Variants in SPATA9 observed in about 807,000 individuals in gnomAD.
SPATA9 encodes spermatogenesis-associated protein 9.
Under a neutral mutation model 25.5 loss-of-function variants are expected in SPATA9, and 27 were observed. That is an observed-to-expected ratio of 1.06 (90% CI 0.78 to 1.46). SPATA9 has a LOEUF of 1.46. SPATA9 is among the 40% of genes most tolerant of loss of function. The pLI is 0.00. For missense variants in SPATA9, 282 were observed against 297.5 expected (o/e 0.95, Z 0.38); for synonymous variants, 102 against 105.7 (o/e 0.97, Z 0.21).
chr5:95,717,959 T>G, the SPATA9 span, among the ~76,000 whole-genome samples: 2 of 152,162 alleles, frequency 1.3e-5, no homozygotes, highest in Non-Finnish European at 2.9e-5. Flanking sequence ...AATTTAAAAG[T>G]TTAAAGAAGA....
At chr5:95,703,372 G>A (rs1387309750), upstream of SPATA9, among the ~76,000 whole-genome samples, 1 of 152,160 alleles carries the variant, frequency 6.6e-6, no homozygotes, top group Non-Finnish European at 1.5e-5. Context: ...AGTGGTTTAT[G>A]CCTGTAATCC....
intron 3 of SPATA9, among the ~76,000 whole-genome samples, chr5:95,664,941 G>C (rs1248733446): frequency 2.0e-5 from 3 of 152,074 alleles, no homozygotes; most frequent in Non-Finnish European, 4.4e-5. Context: ...CTAAAACAAT[G>C]ATCGTTGATT....
the SPATA9 span, among the ~76,000 whole-genome samples, chr5:95,721,104 A>G: frequency 6.6e-6 from 1 of 152,234 alleles, no homozygotes; most frequent in Non-Finnish European, 1.5e-5. Context: ...TATGACTTAA[A>G]GGCAAAAAAC....
intron 1 of SPATA9, among the ~76,000 whole-genome samples, chr5:95,692,571 A>G (rs1753920078): frequency 6.6e-6 from 1 of 152,036 alleles, no homozygotes; most frequent in South Asian, 2.1e-4. Context: ...AAGGTTAAGT[A>G]CAAAGTTTCC....
intron 3 of SPATA9, among the ~76,000 whole-genome samples, chr5:95,672,238 A>G (rs1329789151): frequency 6.6e-6 from 1 of 152,196 alleles, no homozygotes; most frequent in African/African-American, 2.4e-5. Flanking sequence ...ATCCACCAGA[A>G]CAGGAAAAAA....
intron 3 of SPATA9, among the ~76,000 whole-genome samples, chr5:95,673,428 G>A (rs1561405616): frequency 6.6e-6 from 1 of 152,058 alleles, no homozygotes; most frequent in Non-Finnish European, 1.5e-5. Flanking sequence ...AATTGTGGCA[G>A]GCTAATTTGT....
rs374096830 is a variant in SPATA9, at chr5:95,679,971, C to T, written c.150+2557G>A. Among the ~76,000 whole-genome samples the T allele has an allele frequency of 7.3e-4, 111 of 152,382 alleles. 2 individuals are homozygous for T. In the South Asian group the frequency reaches 0.022, roughly 31 times the overall value. On this transcript the variant is annotated intron_variant, in intron 2 of 4. Transcript: ENST00000274432. ...GGCGTGCAGTGGCGCGATCTCGGCT[C>T]ACTGCAACCTCCGCCTACCAGGTTC...
upstream of SPATA9, among the ~76,000 whole-genome samples, chr5:95,700,280 C>T (rs1025770713): frequency 6.6e-6 from 1 of 151,832 alleles, no homozygotes; most frequent in Non-Finnish European, 1.5e-5. Context: ...TGCAGTTTCC[C>T]CCAATAACTA....
the SPATA9 span, among the ~76,000 whole-genome samples, chr5:95,726,517 A>G: frequency 6.6e-6 from 1 of 152,258 alleles, no homozygotes; most frequent in Non-Finnish European, 1.5e-5. Flanking sequence ...ATATGCACTT[A>G]GGGTGAAATC....
Position 95,671,495 on chromosome 5 carries a change from C to T in SPATA9, c.378+3917G>A, listed in dbSNP as rs532855831. Among the ~76,000 whole-genome samples, 8 of 152,252 alleles carry T rather than the reference C, an allele frequency of 5.3e-5. No homozygotes were observed. In the South Asian group the frequency reaches 1.7e-3, roughly 32 times the overall value. On this transcript the variant is annotated intron_variant, in intron 3 of 4. Coordinates refer to ENST00000274432, the MANE Select transcript of SPATA9 (RefSeq NM_031952.4). ...GCACGATCTTGGCTCACTGCAACCT[C>T]GCCTCCAGGGTTCAAGCGATTCTCC...
the SPATA9 span, chr5:95,708,668 A>C: frequency 1.0e-5 from 7 of 696,576 alleles, no homozygotes; most frequent in Non-Finnish European, 1.6e-5. Flanking sequence ...TGGCTCCCAG[A>C]GTGTCCAAAT....
chr5:95,654,220 G>A (rs267600737), downstream of SPATA9: 1 of 1,610,648 alleles, frequency 6.2e-7, no homozygotes, highest in Non-Finnish European at 8.5e-7. Flanking sequence ...ATCATGCTAT[G>A]GATATTCGCT....
chr5:95,715,060 T>C, the SPATA9 span, among the ~76,000 whole-genome samples: 1 of 152,196 alleles, frequency 6.6e-6, no homozygotes, highest in Non-Finnish European at 1.5e-5. Context: ...GTGTGGTGGC[T>C]AATACCTGTA....
the SPATA9 span, among the ~76,000 whole-genome samples, chr5:95,713,906 A>C: frequency 2.1e-3 from 317 of 151,638 alleles, 1 homozygote; most frequent in African/African-American, 7.4e-3. Flanking sequence ...GCACACAAAT[A>C]CACATGTGCA....
At chr5:95,731,897 C>T in the SPATA9 span, 1 of 1,614,052 alleles carries the variant, frequency 6.2e-7, no homozygotes, top group Non-Finnish European at 8.5e-7. Context: ...GAGGGGGACA[C>T]ATTCCACCAG....
At chr5:95,670,409 G>A (rs1752259827) in intron 3 of SPATA9, 1 of 152,170 alleles carries the variant, frequency 6.6e-6, no homozygotes, top group Admixed American at 6.5e-5. Flanking sequence ...AGCTATTTAA[G>A]GTGCTCCAGC....
chr5:95,723,471 A>T, the SPATA9 span, among the ~76,000 whole-genome samples: 2 of 152,378 alleles, frequency 1.3e-5, no homozygotes, highest in African/African-American at 4.8e-5. Flanking sequence ...AAGACTGACT[A>T]AATGGTTATT....
At position 95,658,516 on chromosome 5, in the gene SPATA9, TAAGAAAG is replaced by T; in HGVS notation, c.*100_*106del. 7.1e-7 allele frequency: 1 copy of T among 1,408,102 alleles called. No homozygotes were observed. Among genetic ancestry groups the T allele is most frequent in the Non-Finnish European group, 9.3e-7 (1 of 1,072,608 alleles). The allele number at this position is 1,408,102 out of a possible 1,614,324, so 87.2% of individuals were successfully genotyped here. A position where few individuals can be genotyped will look rare whatever the true frequency, so the allele number is the denominator to read the frequency against. On this transcript the variant is annotated 3_prime_UTR_variant, in exon 5 of 5. Coordinates refer to ENST00000274432, the MANE Select transcript of SPATA9 (RefSeq NM_031952.4). ...AATAGTAGCCCCCTTCTCTTTTTTT[TAAGAAAG>T]CAGAGCAATTCAGAATATGTAAACT...
chr5:95,679,634 C>T (rs1753251665), intron 2 of SPATA9, among the ~76,000 whole-genome samples: 1 of 152,134 alleles, frequency 6.6e-6, no homozygotes, highest in African/African-American at 2.4e-5. Context: ...CAGTTGCTTC[C>T]CCTGACACTA....
Sources: allele counts gnomAD v4.1 joint callset (sites outside exome capture counted in the v4.1 genomes callset), GRCh38; gene constraint gnomAD v4.1.1; transcripts MANE v1.5; gene names NCBI Gene and HGNC (gene_info 2026-07-23, HGNC 2026-07-21).